The following ATRX variants were observed in gnomAD, a reference collection of about 807,000 sequenced individuals.
ATRX encodes the protein chromatin remodeler ATRX.
In ATRX, 12 loss-of-function variants were observed where a neutral mutation model predicts 172.6. The ratio of observed to expected loss-of-function variants is 0.07; its 90% CI spans 0.04 to 0.11. The LOEUF (loss-of-function observed/expected upper bound fraction) is 0.11, where lower values mean the gene tolerates loss of function less well. Among genes scored for constraint, ATRX ranks in the 10% least tolerant of loss-of-function variants. The pLI, the probability that ATRX is intolerant of heterozygous loss-of-function variation, is 1.00. For missense variants in ATRX, 1,368 were observed against 1,767.4 expected, an observed-to-expected ratio of 0.77 and a Z score of 4.05; for synonymous variants, 674 against 594.7, an observed-to-expected ratio of 1.13 and a Z score of -1.94.
intron 2 of ATRX, among the ~76,000 whole-genome samples, chrX:77,707,680 G>C (rs1222389356): frequency 1.8e-5 from 2 of 111,864 alleles, no homozygotes; most frequent in Non-Finnish European, 3.8e-5. Flanking sequence ...CAGGGAGGTT[G>C]AGGGTGCTGT....
chrX:77,645,118 G>GA (rs1166561730), intron 15 of ATRX, among the ~76,000 whole-genome samples: 27 of 109,446 alleles, frequency 2.5e-4, no homozygotes, highest in Non-Finnish European at 4.4e-4. Flanking sequence ...AGTGATGAAT[G>GA]AAAAAAAAAG....
chrX:77,622,746 C>T (rs1171807465), intron 19 of ATRX, among the ~76,000 whole-genome samples: 2 of 110,860 alleles, frequency 1.8e-5, no homozygotes, highest in African/African-American at 3.3e-5. Flanking sequence ...TCAAGCCAGA[C>T]TCAAACACAC....
chrX:77,716,109 A>ATTTTT (rs1557164558), intron 2 of ATRX, among the ~76,000 whole-genome samples: 5 of 67,929 alleles, frequency 7.4e-5, no homozygotes, highest in Non-Finnish European at 1.0e-4. Flanking sequence ...TGTCTCTAAA[A>ATTTTT]ATTTTTTTTT....
At chrX:77,515,508 A>G (rs571802626) in intron 34 of ATRX, among the ~76,000 whole-genome samples, 1 of 111,213 alleles carries the variant, frequency 9.0e-6, no homozygotes, top group Middle Eastern at 4.6e-3. Flanking sequence ...CTCTAGATAC[A>G]TGTGCCCTCT....
At chrX:77,699,696 T>C (rs1472166502) in intron 2 of ATRX, 4 of 111,709 alleles carry the variant, frequency 3.6e-5, no homozygotes, top group Non-Finnish European at 7.5e-5. Flanking sequence ...TTACATGAAA[T>C]GAACAAATTC....
intron 15 of ATRX, among the ~76,000 whole-genome samples, chrX:77,638,727 C>T (rs1375186054): frequency 8.9e-6 from 1 of 112,510 alleles, no homozygotes; most frequent in East Asian, 2.8e-4. Flanking sequence ...AGATATTGTA[C>T]TTACATAAAA....
In ATRX at chrX:77,780,148, A is replaced by G. The variant is rs782289482; in HGVS notation, c.20+5834T>C. Among the ~76,000 whole-genome samples, 480 of 111,876 alleles carry G rather than the reference A, an allele frequency of 4.3e-3. 2 individuals carry two copies. The highest frequency in any genetic ancestry group is 0.011 in the South Asian group (30 of 2,674). On this transcript the variant is annotated intron_variant, in intron 1 of 34. Transcript: ENST00000373344. ...TAAATGTTTATACAACCAGGTATACATGATACTATGACAAGTATCAGCAAC... is the reference window on the plus strand; with the variant it reads ...TAAATGTTTATACAACCAGGTATACGTGATACTATGACAAGTATCAGCAAC...
At chrX:77,778,493 C>T (rs868983570) in intron 1 of ATRX, among the ~76,000 whole-genome samples, 61 of 109,150 alleles carry the variant, frequency 5.6e-4, no homozygotes, top group South Asian at 2.4e-3. Context: ...GAGGCCAAGG[C>T]GGGCGGATCA....
In ATRX at chrX:77,681,560, A is replaced by G. The variant is rs2071194249; in HGVS notation, c.3696T>C (p.Asn1232=). 1 of 1,209,758 alleles carries G rather than the reference A, an allele frequency of 8.3e-7. No homozygotes were observed. Among genetic ancestry groups the G allele is most frequent in the Non-Finnish European group, 1.1e-6 (1 of 894,828 alleles). ...DEQKIKPVTE[N]LVLSSHTGFC... is the part of the protein sequence containing the mutation. Reference sequence around the variant, plus strand: ...ATCCAGTATGTGAAGACAGCACTAAATTTTCAGTCACAGGCTTAATTTTCT... The same window carrying G: ...ATCCAGTATGTGAAGACAGCACTAAGTTTTCAGTCACAGGCTTAATTTTCT... The change falls in exon 9 of 35, where the codon AAT becomes AAC. Residue 1232 remains asparagine, a synonymous_variant. Coordinates refer to ENST00000373344, the MANE Select transcript of ATRX (RefSeq NM_000489.6).
At position 77,664,503 on chromosome X, in the gene ATRX, G is replaced by A. The variant is rs2070124245; in HGVS notation, c.3943+142C>T. On this transcript the variant is annotated intron_variant, in intron 11 of 34. Coordinates refer to ENST00000373344, the MANE Select transcript of ATRX (RefSeq NM_000489.6). ...TAACCTCAAGTGATCCACCTGCTTC[G>A]GCCTCCCAAAGTCCTGAGATTATAG... The A allele has an allele frequency of 2.6e-5, 20 of 782,052 alleles. No individual in the cohort carries two copies. In the South Asian group the frequency reaches 4.7e-4, roughly 19 times the overall value. 64.4% of individuals were successfully genotyped at this position (782,052 alleles called of 1,213,427 possible).
intron 30 of ATRX, among the ~76,000 whole-genome samples, chrX:77,537,709 C>T (rs950738225): frequency 9.1e-6 from 1 of 110,237 alleles, no homozygotes; most frequent in Admixed American, 9.7e-5. Context: ...TGTTTTACAC[C>T]CTAACCAAGT....
chrX:77,739,301 C>A (rs1319201495), intron 1 of ATRX, among the ~76,000 whole-genome samples: 1 of 110,207 alleles, frequency 9.1e-6, no homozygotes, highest in East Asian at 2.8e-4. Flanking sequence ...ATCCAGGTTA[C>A]TGCAAATGCC....
In ATRX at chrX:77,627,232, C is replaced by CA. The variant is rs1175601343; in HGVS notation, c.5134+5974dup. Among the ~76,000 whole-genome samples the CA allele has an allele frequency of 7.9e-3, 756 of 95,619 alleles. 14 individuals are homozygous for CA. The highest frequency in any genetic ancestry group is 0.027 in the African/African-American group (698 of 26,080). 83.0% of individuals were successfully genotyped at this position (95,619 alleles called of 115,157 possible). On this transcript the variant is annotated intron_variant, in intron 19 of 34. Coordinates refer to ENST00000373344, the MANE Select transcript of ATRX (RefSeq NM_000489.6). ...TGGGTGACAGAGTGAGACTCCGTCTCAAAAAAAAAAATTAAATAAAATAAA... is the reference window on the plus strand; with the variant it reads ...TGGGTGACAGAGTGAGACTCCGTCTCAAAAAAAAAAAATTAAATAAAATAAA...
At position 77,508,455 on chromosome X, in the gene ATRX, T is replaced by G; in HGVS notation, c.7375A>C (p.Met2459Leu). The G allele has an allele frequency of 8.3e-7, 1 of 1,211,607 alleles. No individual in the cohort carries two copies. Among genetic ancestry groups the G allele is most frequent in the Non-Finnish European group, 1.1e-6 (1 of 895,423 alleles). Residue 2459 changes from methionine (M) to leucine (L), a missense_variant, in exon 35 of 35, where the codon ATG (methionine) becomes CTG (leucine). This residue lies in a region of ATRX where 100 missense variants were observed against 153.9 expected (regional missense o/e 0.65). Transcript: ENST00000373344. Reference protein sequence around the residue: ...SNYQQIDMRGMYQPVAGGMQP... With the variant: ...SNYQQIDMRGLYQPVAGGMQP... The stretch of plus-strand genomic sequence containing the variant: ...ATACCACCAGCCACTGGCTGATACA[T>G]TCCTCTCATATCAATCTGCTGGTAG...
rs781856109 is a variant in ATRX at position 77,776,058 on chromosome X, T to C, written c.20+9924A>G. Among the ~76,000 whole-genome samples the C allele has an allele frequency of 6.2e-5, 7 of 112,173 alleles. No homozygotes were observed. In the South Asian group the frequency reaches 2.5e-3, roughly 41 times the overall value. On this transcript the variant is annotated intron_variant, in intron 1 of 34. Transcript: ENST00000373344. ...AAAACAATAATTCAATAAAATATTA[T>C]ACCCTATCAAGGAGACACTGCTGAG...
In ATRX at chrX:77,689,035, C is replaced by T. The variant is rs1181956100; in HGVS notation, c.485-108G>A. 4.9e-6 allele frequency: 3 copies of T among 613,914 alleles called. No individual in the cohort carries two copies. The East Asian group carries it at 9.9e-5, about 20-fold the overall frequency. 50.6% of individuals were successfully genotyped at this position (613,914 alleles called of 1,213,427 possible). ...ATTAGACATGAAATACCTCATAATC[C>T]TTAGAAAAATGGCATATTGGACACA... On this transcript the variant is annotated intron_variant, in intron 6 of 34. Coordinates refer to ENST00000373344, the MANE Select transcript of ATRX (RefSeq NM_000489.6).
At chrX:77,709,127 G>A (rs1284195329) in intron 2 of ATRX, among the ~76,000 whole-genome samples, 2 of 111,412 alleles carry the variant, frequency 1.8e-5, no homozygotes, top group African/African-American at 3.3e-5. Context: ...TCAGCTACTC[G>A]AGAGGCTGAG....
intron 1 of ATRX, among the ~76,000 whole-genome samples, chrX:77,766,947 C>T (rs1442096134): frequency 2.7e-5 from 3 of 112,298 alleles, no homozygotes; most frequent in East Asian, 5.6e-4. Context: ...ACTGAGTGAA[C>T]GAGACTCCGT....
intron 26 of ATRX, among the ~76,000 whole-genome samples, chrX:77,593,050 C>A (rs1281484890): frequency 9.3e-6 from 1 of 107,618 alleles, no homozygotes; most frequent in Non-Finnish European, 1.9e-5. Context: ...ACGGTGAAAC[C>A]CTATCTCTGC....
Sources: gnomAD v4.1 joint callset for allele counts (sites outside exome capture counted in the v4.1 genomes callset) on GRCh38, gnomAD v4.1.1 for gene constraint, gnomAD v4.1.1 regional missense constraint, MANE v1.5 for transcripts, NCBI Gene and HGNC (gene_info 2026-07-23, HGNC 2026-07-21) for gene names.